SLC67A2: variants seen among roughly 807,000 people sequenced by gnomAD.
SLC67A2 encodes solute carrier family 67 member 2.
chr2:102,732,464 C>A, the SLC67A2 span: 3 of 1,392,594 alleles, frequency 2.2e-6, no homozygotes, highest in Non-Finnish European at 3.0e-6. Flanking sequence ...AACTAGTAAA[C>A]CTAAAAATTT....
chr2:102,719,020 C>G, the SLC67A2 span: 2 of 1,614,252 alleles, frequency 1.2e-6, no homozygotes, highest in Non-Finnish European at 1.7e-6. Flanking sequence ...TCTTCATGTT[C>G]CGCAAGGCCA....
the SLC67A2 span, among the ~76,000 whole-genome samples, chr2:102,730,721 CTT>C: frequency 6.0e-5 from 9 of 150,712 alleles, no homozygotes; most frequent in African/African-American, 1.2e-4. Flanking sequence ...TTTTTTGTAT[CTT>C]TTTTTTTAGT....
At chr2:102,735,235 C>G in the SLC67A2 span, among the ~76,000 whole-genome samples, 1 of 152,190 alleles carries the variant, frequency 6.6e-6, no homozygotes, top group Non-Finnish European at 1.5e-5. Context: ...GAGGGTGGAT[C>G]CTGCAATGGC....
At chr2:102,735,225 G>A in the SLC67A2 span, among the ~76,000 whole-genome samples, 3 of 152,346 alleles carry the variant, frequency 2.0e-5, no homozygotes, top group African/African-American at 7.2e-5. Flanking sequence ...CATGGAGCTG[G>A]AGGGTGGATC....
At chr2:102,732,465 C>T in the SLC67A2 span, 1 of 1,386,766 alleles carries the variant, frequency 7.2e-7, no homozygotes, top group South Asian at 1.3e-5. Context: ...ACTAGTAAAC[C>T]TAAAAATTTA....
At chr2:102,728,476 G>A in the SLC67A2 span, among the ~76,000 whole-genome samples, 1 of 152,102 alleles carries the variant, frequency 6.6e-6, no homozygotes, top group South Asian at 2.1e-4. Context: ...TTAAGGGGCC[G>A]AAAGATCCCT....
the SLC67A2 span, chr2:102,731,178 C>T: frequency 1.3e-6 from 1 of 772,548 alleles, no homozygotes; most frequent in South Asian, 2.5e-5. Flanking sequence ...GGTAAGATAC[C>T]TTTTTGTTTT....
the SLC67A2 span, among the ~76,000 whole-genome samples, chr2:102,735,713 T>C: frequency 6.6e-6 from 1 of 152,168 alleles, no homozygotes; most frequent in Non-Finnish European, 1.5e-5. Flanking sequence ...GGCAGAACTG[T>C]GGATTACAAT....
chr2:102,718,943 A>C, the SLC67A2 span: 1 of 1,614,276 alleles, frequency 6.2e-7, no homozygotes, highest in Non-Finnish European at 8.5e-7. Context: ...ACTGTAGTAC[A>C]GCATGACTGC....
At chr2:102,735,274 G>C in the SLC67A2 span, among the ~76,000 whole-genome samples, 6 of 152,324 alleles carry the variant, frequency 3.9e-5, no homozygotes, top group South Asian at 2.1e-4. Flanking sequence ...TCTCTAAAAA[G>C]CCGCCCTCCC....
At chr2:102,725,961 A>G in the SLC67A2 span, among the ~76,000 whole-genome samples, 1 of 152,184 alleles carries the variant, frequency 6.6e-6, no homozygotes, top group Non-Finnish European at 1.5e-5. Flanking sequence ...AGTAAGAGAG[A>G]CACTGAAACT....
At chr2:102,731,038 G>C in the SLC67A2 span, 3 of 1,613,672 alleles carry the variant, frequency 1.9e-6, no homozygotes, top group African/African-American at 4.0e-5. Flanking sequence ...CAATGTGCTA[G>C]AAAAGAGTTG....
chr2:102,734,236 G>A, the SLC67A2 span, among the ~76,000 whole-genome samples: 6 of 152,106 alleles, frequency 3.9e-5, no homozygotes, highest in African/African-American at 1.4e-4. Flanking sequence ...TTGATTACTG[G>A]ACTATCTCAA....
chr2:102,718,580 C>A, the SLC67A2 span: 7 of 1,613,116 alleles, frequency 4.3e-6, no homozygotes, highest in Non-Finnish European at 5.9e-6. Flanking sequence ...GATGATGCGG[C>A]CCACTGCAGT....
chr2:102,726,947 G>A, the SLC67A2 span: 39 of 1,613,428 alleles, frequency 2.4e-5, no homozygotes, highest in East Asian at 4.2e-4. Context: ...AAGGAAGACC[G>A]TCTTCCCACT....
At chr2:102,736,772 C>G in the SLC67A2 span, 1 of 1,613,612 alleles carries the variant, frequency 6.2e-7, no homozygotes, top group South Asian at 1.1e-5. Flanking sequence ...AGACCAGCCT[C>G]GGGGCCGAGT....
the SLC67A2 span, among the ~76,000 whole-genome samples, chr2:102,724,175 C>CTT: frequency 2.0e-5 from 3 of 152,150 alleles, no homozygotes; most frequent in African/African-American, 7.2e-5. Flanking sequence ...AATCAAGTCC[C>CTT]TTAACCCTCA....
chr2:102,726,462 C>A, the SLC67A2 span, among the ~76,000 whole-genome samples: 1 of 152,146 alleles, frequency 6.6e-6, no homozygotes, highest in Non-Finnish European at 1.5e-5. Flanking sequence ...TAGCAGAGTG[C>A]CTGGCCCATG....
At chr2:102,730,249 T>C in the SLC67A2 span, among the ~76,000 whole-genome samples, 1 of 152,170 alleles carries the variant, frequency 6.6e-6, no homozygotes, top group Non-Finnish European at 1.5e-5. Flanking sequence ...TCTTCCTTCC[T>C]ATGTTGCCCA....
Sources: gnomAD v4.1 joint callset for allele counts (sites outside exome capture counted in the v4.1 genomes callset) on GRCh38, gnomAD v4.1.1 for gene constraint, MANE v1.5 for transcripts, NCBI Gene and HGNC (gene_info 2026-07-23, HGNC 2026-07-21) for gene names.